Variants in PDZD8 observed in about 807,000 individuals in gnomAD.
PDZD8 encodes PDZ domain-containing protein 8.
Under a neutral mutation model 85.8 loss-of-function variants are expected in PDZD8, and 14 were observed. The observed-to-expected ratio is 0.16, with a 90% CI of 0.11 to 0.26. The LOEUF is 0.26. Among genes scored for constraint, PDZD8 ranks in the 10% least tolerant of loss-of-function variants. The pLI, the probability that PDZD8 is intolerant of heterozygous loss-of-function variation, is 1.00. For missense variants in PDZD8, 1,197 were observed against 1,424.3 expected (o/e 0.84, Z 2.57); for synonymous variants, 592 against 568.6 (o/e 1.04, Z -0.59).
intron 1 of PDZD8, among the ~76,000 whole-genome samples, chr10:117,364,330 AT>A (rs1413620117): frequency 6.6e-6 from 1 of 152,154 alleles, no homozygotes; most frequent in African/African-American, 2.4e-5. Context: ...ACGTTTAACC[AT>A]AAAAAATGTT....
At chr10:117,315,604 A>AC (rs1195800057) in intron 3 of PDZD8, among the ~76,000 whole-genome samples, 23 of 150,936 alleles carry the variant, frequency 1.5e-4, no homozygotes, top group Middle Eastern at 3.2e-3. Context: ...AAAAAAAAAA[A>AC]AAAAAAAACA....
chr10:117,303,119 G>A (rs1338100099), intron 3 of PDZD8, among the ~76,000 whole-genome samples: 1 of 152,216 alleles, frequency 6.6e-6, no homozygotes, highest in Admixed American at 6.5e-5. Flanking sequence ...CAGAAGAAAA[G>A]AAAATGTGGG....
Position 117,283,280 on chromosome 10 carries a change from G to A in PDZD8, c.3453C>T (p.Ser1151=), listed in dbSNP as rs542778366. 6 of 1,611,164 alleles carry A rather than the reference G, an allele frequency of 3.7e-6. No individual in the cohort carries two copies. The highest frequency in any genetic ancestry group is 1.7e-5 in the Admixed American group (1 of 59,482). The change falls in exon 5 of 5, where the codon TCC becomes TCT. Residue 1151 remains serine (S), a synonymous_variant. Coordinates refer to ENST00000334464, the MANE Select transcript of PDZD8 (RefSeq NM_173791.5). Reference sequence around the variant, plus strand: ...ATAGACCTGTCTGCTACACAGACTCGGATGGGCCAAATAAGTCATCTGATA... The same window carrying A: ...ATAGACCTGTCTGCTACACAGACTCAGATGGGCCAAATAAGTCATCTGATA... ...SSISDDLFGP[S]ESV is the part of the protein sequence containing the mutation.
At chr10:117,342,642 T>C (rs1403848230) in intron 1 of PDZD8, among the ~76,000 whole-genome samples, 1 of 152,046 alleles carries the variant, frequency 6.6e-6, no homozygotes, top group African/African-American at 2.4e-5. Context: ...TATACCTGGA[T>C]GATTTTTGTA....
intron 4 of PDZD8, among the ~76,000 whole-genome samples, chr10:117,287,256 G>A (rs544700646): frequency 1.3e-5 from 2 of 151,418 alleles, no homozygotes; most frequent in Admixed American, 6.6e-5. Flanking sequence ...TACACAATTG[G>A]TTCTGATCAC....
intron 2 of PDZD8, among the ~76,000 whole-genome samples, chr10:117,338,789 C>G (rs142729077): frequency 2.0e-5 from 3 of 152,260 alleles, no homozygotes; most frequent in Admixed American, 6.5e-5. Flanking sequence ...GCCTTACATG[C>G]AGTCTTTGAT....
At position 117,298,221 on chromosome 10, in the gene PDZD8, A is replaced by G. The variant is rs188312251; in HGVS notation, c.1099-7873T>C. ...ACTCAAGTTTTTACTACTATTAAAA[A>G]GAATTAGAACTTGTAATTATCAAAT... On this transcript the variant is annotated intron_variant, in intron 3 of 4. Coordinates refer to ENST00000334464, the MANE Select transcript of PDZD8 (RefSeq NM_173791.5). 3.9e-3 allele frequency among the ~76,000 whole-genome samples: 587 copies of G among 152,304 alleles called. 4 individuals carry two copies. Among genetic ancestry groups the G allele is most frequent in the African/African-American group, 0.014 (565 of 41,574 alleles).
In PDZD8 at chr10:117,361,607, C is replaced by G. The variant is rs530340012; in HGVS notation, c.872+12749G>C. On this transcript the variant is annotated intron_variant, in intron 1 of 4. Coordinates refer to ENST00000334464, the MANE Select transcript of PDZD8 (RefSeq NM_173791.5). ...GTTTATGAAACAGAAATCTGGTCTT[C>G]TTTAGCTAGTCAGGTGTTATCAAAC... Among the ~76,000 whole-genome samples, 7 of 152,248 alleles carry G rather than the reference C, an allele frequency of 4.6e-5. No individual in the cohort carries two copies. In the South Asian group the frequency reaches 1.4e-3, roughly 32 times the overall value.
intron 1 of PDZD8, among the ~76,000 whole-genome samples, chr10:117,370,778 A>G (rs1200861046): frequency 6.9e-6 from 1 of 145,518 alleles, no homozygotes; most frequent in Non-Finnish European, 1.5e-5. Flanking sequence ...ATCCTCTAAA[A>G]TGACCAATTT....
intron 1 of PDZD8, among the ~76,000 whole-genome samples, chr10:117,344,775 G>T (rs2133852880): frequency 6.6e-6 from 1 of 152,346 alleles, no homozygotes; most frequent in Non-Finnish European, 1.5e-5. Context: ...GGAAGAGGAG[G>T]ATAGGAACAT....
intron 2 of PDZD8, among the ~76,000 whole-genome samples, 163 bp downstream of exon 2, chr10:117,340,817 G>T (rs1318095349): frequency 6.6e-6 from 1 of 152,104 alleles, no homozygotes; most frequent in East Asian, 1.9e-4. Flanking sequence ...ATTTATATTT[G>T]TTAAAGTTAG....
chr10:117,349,461 A>G (rs1844762579), intron 1 of PDZD8, among the ~76,000 whole-genome samples: 1 of 152,234 alleles, frequency 6.6e-6, no homozygotes, highest in South Asian at 2.1e-4. Flanking sequence ...ATGTAAAAAC[A>G]CAGACCAAGG....
chr10:117,327,719 C>T (rs915821164), intron 2 of PDZD8, among the ~76,000 whole-genome samples: 1 of 152,182 alleles, frequency 6.6e-6, no homozygotes, highest in African/African-American at 2.4e-5. Context: ...TGTTAGGGTA[C>T]ACATTGCTTC....
chr10:117,295,641 T>A (rs1322632725), intron 3 of PDZD8, among the ~76,000 whole-genome samples: 1 of 151,902 alleles, frequency 6.6e-6, no homozygotes, highest in Non-Finnish European at 1.5e-5. Context: ...GATACAAAAT[T>A]TAACAAAATT....
intron 3 of PDZD8, among the ~76,000 whole-genome samples, chr10:117,318,371 T>A (rs1057514598): frequency 2.0e-5 from 3 of 152,322 alleles, no homozygotes; most frequent in African/African-American, 7.2e-5. Context: ...CTGTGTTCTA[T>A]CTTTACCCTA....
chr10:117,343,363 T>C (rs1844649665), intron 1 of PDZD8, among the ~76,000 whole-genome samples: 1 of 146,872 alleles, frequency 6.8e-6, no homozygotes, highest in African/African-American at 2.8e-5. Flanking sequence ...CCCCCGAGTT[T>C]CTCCCAACTA....
rs552175872 is a variant in PDZD8 at position 117,343,538 on chromosome 10, A to G, written c.873-2436T>C. 3.3e-5 allele frequency among the ~76,000 whole-genome samples: 4 copies of G among 122,378 alleles called. No individual in the cohort carries two copies. In the South Asian group the frequency reaches 1.2e-3, roughly 37 times the overall value. 80.3% of individuals were successfully genotyped at this position (122,378 alleles called of 152,430 possible). A position where few individuals can be genotyped will look rare whatever the true frequency, so the allele number is the denominator to read the frequency against. Reference sequence around the variant, plus strand: ...GAAAAACATATAACTGTTAGTTTGTAAAAAAATTATAATAACCATATACAC... The same window carrying G: ...GAAAAACATATAACTGTTAGTTTGTGAAAAAATTATAATAACCATATACAC... On this transcript the variant is annotated intron_variant, in intron 1 of 4. Coordinates refer to ENST00000334464, the MANE Select transcript of PDZD8 (RefSeq NM_173791.5).
At chr10:117,346,184 T>G (rs1844704185) in intron 1 of PDZD8, among the ~76,000 whole-genome samples, 1 of 137,772 alleles carries the variant, frequency 7.3e-6, no homozygotes, top group Non-Finnish European at 1.5e-5. Flanking sequence ...GAGGTTGCAG[T>G]GAGCCGAGAT....
At position 117,285,015 on chromosome 10, in the gene PDZD8, G is replaced by A. The variant is rs755825901; in HGVS notation, c.1718C>T (p.Thr573Ile). 2 of 1,613,954 alleles carry A rather than the reference G, an allele frequency of 1.2e-6. No homozygotes were observed. The highest frequency in any genetic ancestry group is 2.2e-5 in the East Asian group (1 of 44,890). The change falls in exon 5 of 5, where the codon ACA becomes ATA. Residue 573 changes from threonine (T) to isoleucine (I), a missense_variant. Transcript: ENST00000334464. The part of the protein sequence containing the change: ...KPPPLKTSEI[T>I]DPAQVSKPTQ... Reference sequence around the variant, plus strand: ...TGGTTTTGACACTTGTGCTGGGTCTGTTATCTCAGAAGTTTTTAGGGGTGG... The same window carrying A: ...TGGTTTTGACACTTGTGCTGGGTCTATTATCTCAGAAGTTTTTAGGGGTGG...
Sources: gnomAD v4.1 joint callset for allele counts (sites outside exome capture counted in the v4.1 genomes callset) on GRCh38, gnomAD v4.1.1 for gene constraint, MANE v1.5 for transcripts, NCBI Gene and HGNC (gene_info 2026-07-23, HGNC 2026-07-21) for gene names.